The following EZH1 variants were observed in gnomAD, a reference collection of about 807,000 sequenced individuals.
The protein encoded by EZH1 is enhancer of zeste 1 polycomb repressive complex 2 subunit, also known as histone-lysine N-methyltransferase EZH1.
A neutral mutation model predicts 100.5 loss-of-function variants in EZH1; 33 were observed. The ratio of observed to expected loss-of-function variants is 0.33; its 90% confidence interval spans 0.25 to 0.44. The LOEUF (loss-of-function observed/expected upper bound fraction) is 0.44, where lower values mean the gene tolerates loss of function less well. EZH1 is among the 20% of genes least tolerant of loss of function. The probability of loss-of-function intolerance (pLI) is 1.00; values close to 1 mark genes in which losing one functional copy is unlikely to be tolerated. For synonymous variants in EZH1, 272 were observed against 313.8 expected (o/e 0.87, Z 1.41); for missense variants, 475 against 928.4 (o/e 0.51, Z 6.35).
At chr17:42,723,298 C>T (rs1012122915) in intron 5 of EZH1, among the ~76,000 whole-genome samples, 1 of 151,734 alleles carries the variant, frequency 6.6e-6, no homozygotes, top group Non-Finnish European at 1.5e-5. Flanking sequence ...TCGCTTGAAC[C>T]TGGGAGGCAG....
chr17:42,727,584 G>T (rs760100297), intron 4 of EZH1, 51 bp downstream of exon 4: 1 of 1,575,008 alleles, frequency 6.3e-7, no homozygotes, highest in Non-Finnish European at 8.6e-7. Flanking sequence ...ATAGGAAAAA[G>T]CTTTAAGCCC....
chr17:42,736,988 A>ATTT (rs1178668278), intron 1 of EZH1, among the ~76,000 whole-genome samples: 1 of 144,090 alleles, frequency 6.9e-6, no homozygotes, highest in Non-Finnish European at 1.5e-5. Context: ...TAGCTTTACA[A>ATTT]TTTTTTTTTT....
At position 42,727,757 on chromosome 17, in the gene EZH1, A is replaced by T; in HGVS notation, c.124T>A (p.Tyr42Asn). Residue 42 changes from tyrosine to asparagine, a missense_variant, in exon 4 of 21, where the codon TAT becomes AAT. Physicochemically the swap from Tyr to Asn is moderately radical, Grantham distance 143. This residue lies in a region of EZH1 where 105 missense variants were observed against 129.8 expected (regional missense o/e 0.81). Coordinates refer to ENST00000428826, the MANE Select transcript of EZH1 (RefSeq NM_001991.5). ...TGAACCTTTGCAAAATTTGCCACAT[A>T]CAAAGCCTAGCAAAGCCATGGAAAA... ...LQANMGAKAL[Y>N]VANFAKVQEK... The T allele has an allele frequency of 6.3e-7, 1 of 1,597,724 alleles. No individual in the cohort carries two copies. Among genetic ancestry groups the T allele is most frequent in the Non-Finnish European group, 8.5e-7 (1 of 1,174,734 alleles).
At chr17:42,737,568 T>C (rs940953151) in intron 1 of EZH1, among the ~76,000 whole-genome samples, 1 of 152,216 alleles carries the variant, frequency 6.6e-6, no homozygotes, top group Non-Finnish European at 1.5e-5. Context: ...ACTGCGCCAT[T>C]GCACTCCAGC....
At chr17:42,739,981 C>T (rs1221111472) in intron 1 of EZH1, among the ~76,000 whole-genome samples, 1 of 151,422 alleles carries the variant, frequency 6.6e-6, no homozygotes, top group East Asian at 2.0e-4. Flanking sequence ...GACAGGGTTT[C>T]ACCATAAACA....
At chr17:42,732,124 A>AAAAAC (rs1260381593) in intron 1 of EZH1, among the ~76,000 whole-genome samples, 1 of 151,844 alleles carries the variant, frequency 6.6e-6, no homozygotes, top group Non-Finnish European at 1.5e-5. Flanking sequence ...TCTCAAAAAC[A>AAAAAC]AAAACAAAAC....
At chr17:42,726,766 G>C (rs896662169) in intron 4 of EZH1, among the ~76,000 whole-genome samples, 1 of 151,638 alleles carries the variant, frequency 6.6e-6, no homozygotes, top group South Asian at 2.1e-4. Flanking sequence ...CACCCACCTC[G>C]GCCTCCCAAA....
Position 42,712,501 on chromosome 17 carries a change from A to G in EZH1, c.1205-16T>C. The G allele has an allele frequency of 6.2e-7, 1 of 1,607,862 alleles. No homozygotes were observed. Among genetic ancestry groups the G allele is most frequent in the South Asian group, 1.1e-5 (1 of 90,306 alleles). On this transcript the variant is annotated splice_polypyrimidine_tract_variant and intron_variant, in intron 11 of 20. Transcript: ENST00000428826. ...GAGTTAGCCTCTGAGAAGGGAAGAAATAACAGAATCAGAAGAAGGTAGAAT... is the reference window on the plus strand; with the variant it reads ...GAGTTAGCCTCTGAGAAGGGAAGAAGTAACAGAATCAGAAGAAGGTAGAAT...
At position 42,704,654 on chromosome 17, in the gene EZH1, G is replaced by A. The variant is rs764024970; in HGVS notation, c.1965C>T (p.Arg655=). ...ELISQDEADR[R]GKVYDKYMSS... is the part of the protein sequence containing the mutation. ...ACATGTATTTGTCATAGACCTTTCC[G>A]CGTCGATCAGCCTCATCCTGAGAGA... Residue 655 remains arginine, a synonymous_variant, in exon 18 of 21, where the codon CGC becomes CGT. Transcript: ENST00000428826. 55 of 1,613,866 alleles carry A rather than the reference G, an allele frequency of 3.4e-5. No individual in the cohort carries two copies. The highest frequency in any genetic ancestry group is 1.6e-4 in the Middle Eastern group (1 of 6,070).
At chr17:42,722,625 CA>C (rs11298431) in intron 6 of EZH1, among the ~76,000 whole-genome samples, 169 bp downstream of exon 6, 52,400 of 104,072 alleles carry the variant, frequency 0.5, 10,347 homozygotes, top group African/African-American at 0.57. Context: ...AACTCCGTCT[CA>C]AAAAAAAAAA....
intron 4 of EZH1, among the ~76,000 whole-genome samples, chr17:42,727,393 C>A (rs2053841153): frequency 6.6e-6 from 1 of 151,990 alleles, no homozygotes; most frequent in Admixed American, 6.6e-5. Flanking sequence ...GCTAGGACTA[C>A]ACCACCATGT....
intron 5 of EZH1, among the ~76,000 whole-genome samples, chr17:42,723,539 T>C (rs2053759762): frequency 6.6e-6 from 1 of 152,136 alleles, no homozygotes; most frequent in African/African-American, 2.4e-5. Context: ...AAAATTATGA[T>C]TACAACTCAT....
intron 1 of EZH1, among the ~76,000 whole-genome samples, chr17:42,733,337 C>CAAAA (rs1204785901): frequency 1.3e-5 from 1 of 74,702 alleles, no homozygotes; most frequent in Non-Finnish European, 2.8e-5. Flanking sequence ...AACTCTGTCT[C>CAAAA]AAAAAAAAAA....
intron 1 of EZH1, among the ~76,000 whole-genome samples, chr17:42,736,347 C>T (rs1250017248): frequency 6.6e-6 from 1 of 152,114 alleles, no homozygotes; most frequent in Non-Finnish European, 1.5e-5. Flanking sequence ...ACCTATGTCT[C>T]CACAAAGATC....
In EZH1 at chr17:42,718,295, T is replaced by C. The variant is rs1272086228; in HGVS notation, c.931+159A>G. On this transcript the variant is annotated intron_variant, in intron 9 of 20. Transcript: ENST00000428826. The surrounding 1 kb of genome is among the most constrained non-coding windows in gnomAD (Gnocchi z 4.2). ...TAGTCTGTCCCTATCATGCAAAGCA[T>C]GTTGCACTATAATTGAGCAAGGGAA... 8.1e-6 allele frequency: 8 copies of C among 992,838 alleles called. No individual in the cohort carries two copies. The highest frequency in any genetic ancestry group is 1.2e-5 in the Non-Finnish European group (8 of 685,064). 61.5% of individuals were successfully genotyped at this position (992,838 alleles called of 1,614,324 possible). A position where few individuals can be genotyped will look rare whatever the true frequency, so the allele number is the denominator to read the frequency against.
chr17:42,709,956 G>A lies in EZH1; in HGVS notation c.1402-19C>T, dbSNP rs374873618. ...GAAAGACCTGGAAGAGAAATCCAAC[G>A]GGCCTGTCACTCCTCGAGCAAGGGG... On this transcript the variant is annotated intron_variant, in intron 12 of 20. Coordinates refer to ENST00000428826, the MANE Select transcript of EZH1 (RefSeq NM_001991.5). 35 of 1,612,314 alleles carry A rather than the reference G, an allele frequency of 2.2e-5. No individual in the cohort carries two copies. The African/African-American group carries it at 2.4e-4, about 11-fold the overall frequency.
At chr17:42,720,185 C>A in intron 7 of EZH1, 88 bp downstream of exon 7, 1 of 1,429,106 alleles carries the variant, frequency 7.0e-7, no homozygotes, top group Non-Finnish European at 9.5e-7. Context: ...CACCAACAGC[C>A]TTTAATAGGC....
intron 12 of EZH1, among the ~76,000 whole-genome samples, chr17:42,710,397 G>A (rs1567987088): frequency 6.6e-6 from 1 of 152,152 alleles, no homozygotes; most frequent in Non-Finnish European, 1.5e-5. Context: ...TCAATAGGAT[G>A]TGTTTTTTCT....
At position 42,701,587 on chromosome 17, in the gene EZH1, G is replaced by A. The variant is rs2053241205; in HGVS notation, c.*945C>T. The A allele has an allele frequency of 6.5e-6, 1 of 152,872 alleles. No individual in the cohort carries two copies. The highest frequency in any genetic ancestry group is 1.5e-5 in the Non-Finnish European group (1 of 68,110). 9.5% of individuals were successfully genotyped at this position (152,872 alleles called of 1,614,324 possible). A position where few individuals can be genotyped will look rare whatever the true frequency, so the allele number is the denominator to read the frequency against. On this transcript the variant is annotated 3_prime_UTR_variant, in exon 21 of 21. Transcript: ENST00000428826. ...TACCCTGAAGCGATAAGCAACACTG[G>A]CCATTGGGCCTTGCCTCTATGGGGA...
Sources: allele counts gnomAD v4.1 joint callset (sites outside exome capture counted in the v4.1 genomes callset), GRCh38; gene constraint gnomAD v4.1.1; regional missense constraint gnomAD v4.1.1; non-coding constraint Gnocchi (gnomAD v3.1); transcripts MANE v1.5; gene names NCBI Gene and HGNC (gene_info 2026-07-23, HGNC 2026-07-21).